The following SORL1-AS1 variants were observed in gnomAD, a reference collection of about 807,000 sequenced individuals.
SORL1-AS1 encodes SORL1 antisense RNA 1, also known as lncRNA 51 A.
chr11:121,444,998 G>A (rs1418537961), downstream of SORL1-AS1, among the ~76,000 whole-genome samples: 5 of 152,146 alleles, frequency 3.3e-5, 1 homozygote, highest in South Asian at 4.1e-4. Context: ...ATTTGCCTCC[G>A]AGCAGGTCTG....
chr11:121,445,394 G>C (rs1860708931), downstream of SORL1-AS1, among the ~76,000 whole-genome samples: 1 of 152,142 alleles, frequency 6.6e-6, no homozygotes, highest in South Asian at 2.1e-4. Flanking sequence ...AGAACCCCTG[G>C]CTGCACGGCC....
downstream of SORL1-AS1, among the ~76,000 whole-genome samples, chr11:121,446,100 G>A (rs1326363969): frequency 2.0e-5 from 3 of 152,170 alleles, no homozygotes; most frequent in Non-Finnish European, 4.4e-5. Context: ...AAGGGTGTGA[G>A]GAGCGGGGGT....
chr11:121,441,530 C>CAAAAAAAAAAAAAAAAAAAAAA, the SORL1-AS1 span, among the ~76,000 whole-genome samples: 337 of 52,304 alleles, frequency 6.4e-3, 5 homozygotes, highest in East Asian at 8.6e-3. Flanking sequence ...GACTCTGTCT[C>CAAAAAAAAAAAAAAAAAAAAAA]AAAAAAAAAA....
At chr11:121,439,197 C>A in the SORL1-AS1 span, among the ~76,000 whole-genome samples, 1 of 152,122 alleles carries the variant, frequency 6.6e-6, no homozygotes, top group South Asian at 2.1e-4. Flanking sequence ...GCTGGCCATG[C>A]ATAAAACATC....
intron 1 of SORL1-AS1, chr11:121,449,964 T>C (rs78627420): frequency 4.6e-5 from 7 of 152,340 alleles, no homozygotes; most frequent in South Asian, 2.1e-4. Context: ...TAATTAACCA[T>C]GTTTGAATAT....
In SORL1-AS1 at chr11:121,452,475, C is replaced by T; in HGVS notation, n.339+200G>A. The T allele has an allele frequency of 1.3e-6, 2 of 1,504,152 alleles. No homozygotes were observed. The highest frequency in any genetic ancestry group is 1.8e-6 in the Non-Finnish European group (2 of 1,127,712). The allele number at this position is 1,504,152 out of a possible 1,614,324, so 93.2% of individuals were successfully genotyped here. A position where few individuals can be genotyped will look rare whatever the true frequency, so the allele number is the denominator to read the frequency against. On this transcript the variant is annotated intron_variant and non_coding_transcript_variant, in intron 1 of 1. Transcript: ENST00000501964. The surrounding 1 kb of genome is among the most constrained non-coding windows in gnomAD (Gnocchi z 5.3). Reference sequence around the variant, plus strand: ...CGCCCTTGCCCCAGGACCGGGGCTTCCTCGTGGTGCAGGGCGACCCGCGCG... The same window carrying T: ...CGCCCTTGCCCCAGGACCGGGGCTTTCTCGTGGTGCAGGGCGACCCGCGCG...
downstream of SORL1-AS1, among the ~76,000 whole-genome samples, chr11:121,445,913 C>T (rs1451323468): frequency 6.6e-6 from 1 of 152,114 alleles, no homozygotes; most frequent in Non-Finnish European, 1.5e-5. Context: ...ATGACTAGGA[C>T]ATGCATAAAA....
At chr11:121,441,184 G>C in the SORL1-AS1 span, among the ~76,000 whole-genome samples, 4 of 152,024 alleles carry the variant, frequency 2.6e-5, no homozygotes, top group Non-Finnish European at 1.5e-5. Context: ...TCTTCTAAAG[G>C]GAAAAGAACC....
chr11:121,441,339 C>T, the SORL1-AS1 span, among the ~76,000 whole-genome samples: 12 of 149,300 alleles, frequency 8.0e-5, no homozygotes, highest in African/African-American at 1.7e-4. Flanking sequence ...CTGGCTAACA[C>T]GGTGAAACCC....
At position 121,452,175 on chromosome 11, in the gene SORL1-AS1, G is replaced by C. The variant is rs1404825602; in HGVS notation, n.339+500C>G. 1.8e-5 allele frequency: 4 copies of C among 222,642 alleles called. No individual in the cohort carries two copies. The highest frequency in any genetic ancestry group is 1.4e-4 in the South Asian group (1 of 6,956). 13.8% of individuals were successfully genotyped at this position (222,642 alleles called of 1,614,324 possible). A position where few individuals can be genotyped will look rare whatever the true frequency, so the allele number is the denominator to read the frequency against. On this transcript the variant is annotated intron_variant and non_coding_transcript_variant, in intron 1 of 1. Coordinates refer to ENST00000501964, the Ensembl canonical transcript of SORL1-AS1. This position sits in a 1 kb window ranked among gnomAD's most constrained non-coding sequence, Gnocchi z 5.3. ...CGCGCCGAACCGAGCGGGACCTGGC[G>C]GCAGCGGCGGCGGGCGCAGCGGGGC... is the stretch of plus-strand genomic sequence containing the variant.
At chr11:121,444,235 C>T (rs190027325), downstream of SORL1-AS1, among the ~76,000 whole-genome samples, 1 of 152,276 alleles carries the variant, frequency 6.6e-6, no homozygotes, top group Admixed American at 6.5e-5. Context: ...TGAATAAAAA[C>T]CCAACAATTG....
downstream of SORL1-AS1, among the ~76,000 whole-genome samples, chr11:121,443,813 T>A (rs976992281): frequency 1.1e-4 from 16 of 152,168 alleles, no homozygotes; most frequent in Non-Finnish European, 2.4e-4. Context: ...ATAGCTGGAG[T>A]GGGCTTGCTT....
rs529809922 is a variant in SORL1-AS1 at position 121,452,723 on chromosome 11, G to A, written n.291C>T. 24 of 994,970 alleles carry A rather than the reference G, an allele frequency of 2.4e-5. No homozygotes were observed. The Admixed American group carries it at 9.2e-4, about 38-fold the overall frequency. 61.6% of individuals were successfully genotyped at this position (994,970 alleles called of 1,614,324 possible). ...GCCTCCTAGGTGCAGGCACCACTGG[G>A]GACTTCCCGGCTTGCATTTGTTTTT... On this transcript the variant is annotated non_coding_transcript_exon_variant, in exon 1 of 2. Coordinates refer to ENST00000501964, the Ensembl canonical transcript of SORL1-AS1. The surrounding 1 kb of genome is among the most constrained non-coding windows in gnomAD (Gnocchi z 5.3).
At chr11:121,444,164 A>C (rs1437172887), downstream of SORL1-AS1, among the ~76,000 whole-genome samples, 1 of 152,114 alleles carries the variant, frequency 6.6e-6, no homozygotes, top group East Asian at 1.9e-4. Flanking sequence ...TATAAAAACT[A>C]ATCTCAGTTT....
chr11:121,442,751 T>C (rs1860674641), downstream of SORL1-AS1, among the ~76,000 whole-genome samples: 1 of 149,088 alleles, frequency 6.7e-6, no homozygotes, highest in Non-Finnish European at 1.5e-5. Flanking sequence ...TGATCTCGGC[T>C]CACTGCAAGC....
downstream of SORL1-AS1, among the ~76,000 whole-genome samples, chr11:121,446,678 G>C (rs949797781): frequency 2.0e-5 from 3 of 151,986 alleles, no homozygotes; most frequent in Admixed American, 6.5e-5. Context: ...TTGAACTCAG[G>C]GGGTGGAGGT....
exon 2 of SORL1-AS1, chr11:121,447,636 T>C (rs974043593): frequency 1.3e-5 from 2 of 152,002 alleles, no homozygotes; most frequent in Non-Finnish European, 2.9e-5. Context: ...AAACTTGCGC[T>C]CTCTCACAGG....
At chr11:121,442,689 A>AT (rs1204591574), downstream of SORL1-AS1, among the ~76,000 whole-genome samples, 1 of 119,498 alleles carries the variant, frequency 8.4e-6, no homozygotes, top group Non-Finnish European at 1.8e-5. Context: ...TTATTTATTT[A>AT]TTTTTTTGAG....
chr11:121,448,459 G>C (rs1860751078), exon 2 of SORL1-AS1: 1 of 152,214 alleles, frequency 6.6e-6, no homozygotes, highest in Non-Finnish European at 1.5e-5. Flanking sequence ...TAACATGGAA[G>C]AGGGAACAAT....
Sources: gnomAD v4.1 joint callset for allele counts (sites outside exome capture counted in the v4.1 genomes callset) on GRCh38, gnomAD v4.1.1 for gene constraint, Gnocchi (gnomAD v3.1) non-coding constraint, MANE v1.5 for transcripts, NCBI Gene and HGNC (gene_info 2026-07-23, HGNC 2026-07-21) for gene names.